SLIT2: variants seen among roughly 807,000 people sequenced by gnomAD.
SLIT2 encodes the protein slit homolog 2 protein.
In SLIT2, 41 loss-of-function variants were observed where a neutral mutation model predicts 185.7. The ratio of observed to expected loss-of-function variants is 0.22; its 90% CI spans 0.17 to 0.29. SLIT2 has a LOEUF of 0.29. SLIT2 is among the 10% of genes least tolerant of loss of function. The pLI is 1.00. For synonymous variants in SLIT2, 693 were observed against 680.2 expected, an observed-to-expected ratio of 1.02 and a Z score of -0.29; for missense variants, 1,571 against 1,909.0, an observed-to-expected ratio of 0.82 and a Z score of 3.30.
chr4:20,489,458 A>G (rs1434807531), intron 8 of SLIT2, among the ~76,000 whole-genome samples: 1 of 152,334 alleles, frequency 6.6e-6, no homozygotes, highest in East Asian at 1.9e-4. Flanking sequence ...ATATTAAATG[A>G]CCAGCTTTAA....
chr4:20,554,259 A>G (rs1409075670), intron 26 of SLIT2: 2 of 510,654 alleles, frequency 3.9e-6, no homozygotes, highest in Non-Finnish European at 7.5e-6. Context: ...GCCTCTAACA[A>G]GTCAAATGTT....
At chr4:20,384,932 T>C (rs1176580277) in intron 4 of SLIT2, among the ~76,000 whole-genome samples, 2 of 152,220 alleles carry the variant, frequency 1.3e-5, no homozygotes, top group Non-Finnish European at 2.9e-5. Flanking sequence ...GGGTGCAAGA[T>C]AGATGGCATC....
intron 29 of SLIT2, among the ~76,000 whole-genome samples, chr4:20,577,839 G>A (rs919850126): frequency 3.3e-5 from 5 of 152,142 alleles, no homozygotes; most frequent in Non-Finnish European, 7.3e-5. Context: ...ATAAAATTTG[G>A]TAATGATAAA....
intron 4 of SLIT2, among the ~76,000 whole-genome samples, chr4:20,452,200 C>A (rs1402794537): frequency 6.6e-6 from 1 of 152,144 alleles, no homozygotes; most frequent in East Asian, 1.9e-4. Flanking sequence ...TAAGCCAGAG[C>A]AAATCCAGCC....
chr4:20,253,513 G>A lies in SLIT2; in HGVS notation c.-303G>A, dbSNP rs1336280413. 2.6e-6 allele frequency: 1 copy of A among 388,330 alleles called. No individual in the cohort carries two copies. The highest frequency in any genetic ancestry group is 2.0e-5 in the African/African-American group (1 of 48,814). 24.1% of individuals were successfully genotyped at this position (388,330 alleles called of 1,614,324 possible). A position where few individuals can be genotyped will look rare whatever the true frequency, so the allele number is the denominator to read the frequency against. On this transcript the variant is annotated 5_prime_UTR_variant, in exon 1 of 37. Coordinates refer to ENST00000504154, the MANE Select transcript of SLIT2 (RefSeq NM_004787.4). ...AGTTCATCCTTGGGAGACAGAAGAC[G>A]CGTGATCTCCTCTCCGCTGCTCTTG...
At chr4:20,468,797 A>G (rs1307496062) in intron 5 of SLIT2, among the ~76,000 whole-genome samples, 1 of 151,568 alleles carries the variant, frequency 6.6e-6, no homozygotes, top group African/African-American at 2.4e-5. Flanking sequence ...CAGGGCAGGC[A>G]CTTTTTCAAG....
chr4:20,519,312 A>T, intron 11 of SLIT2, 70 bp from the exon 12 acceptor site: 1 of 783,834 alleles, frequency 1.3e-6, no homozygotes, highest in Non-Finnish European at 2.2e-6. Context: ...TGCCTGAGTA[A>T]ATATGTATTA....
At chr4:20,434,446 A>G (rs1035346796) in intron 4 of SLIT2, among the ~76,000 whole-genome samples, 1 of 152,180 alleles carries the variant, frequency 6.6e-6, no homozygotes, top group Non-Finnish European at 1.5e-5. Context: ...AGATCGCACC[A>G]CTGCACCTCC....
intron 9 of SLIT2, among the ~76,000 whole-genome samples, chr4:20,507,405 GTTATA>G (rs1719313353): frequency 6.6e-6 from 1 of 151,800 alleles, no homozygotes; most frequent in Non-Finnish European, 1.5e-5. Flanking sequence ...AAAATCTTCA[GTTATA>G]TTAAATTATA....
At position 20,477,155 on chromosome 4, in the gene SLIT2, TAAA is replaced by T. The variant is rs11362908; in HGVS notation, c.468-3548_468-3546del. Among the ~76,000 whole-genome samples, 753 of 139,052 alleles carry T rather than the reference TAAA, an allele frequency of 5.4e-3. 2 individuals are homozygous for T. The highest frequency in any genetic ancestry group is 8.2e-3 in the African/African-American group (307 of 37,516). 91.2% of individuals were successfully genotyped at this position (139,052 alleles called of 152,430 possible). A position where few individuals can be genotyped will look rare whatever the true frequency, so the allele number is the denominator to read the frequency against. On this transcript the variant is annotated intron_variant, in intron 5 of 36. Transcript: ENST00000504154. ...GCATCAGAAGATATACCTCCTACCA[TAAA>T]AAAAAAAAAAAAGAATGTTAATACC...
chr4:20,517,996 T>C (rs1013852130), intron 11 of SLIT2, among the ~76,000 whole-genome samples: 2 of 151,092 alleles, frequency 1.3e-5, no homozygotes, highest in Non-Finnish European at 3.0e-5. Context: ...CACAAAAATA[T>C]GTAGATGTAA....
intron 4 of SLIT2, among the ~76,000 whole-genome samples, chr4:20,312,165 A>G (rs1718166738): frequency 6.6e-6 from 1 of 152,200 alleles, no homozygotes; most frequent in South Asian, 2.1e-4. Flanking sequence ...TTATAAGATC[A>G]GATATCAGGT....
chr4:20,616,992 C>T lies in SLIT2; in HGVS notation c.3930C>T (p.Asn1310=), dbSNP rs746665429. ...CCAGCTTCCACGGCTGCATCCGGAA[C>T]CTTTACATCAACAGTGAGCTGCAGG... ...NGTSFHGCIR[N]LYINSELQDF... Residue 1310 remains asparagine, a synonymous_variant, in exon 35 of 37, where the codon AAC becomes AAT. Coordinates refer to ENST00000504154, the MANE Select transcript of SLIT2 (RefSeq NM_004787.4). The T allele has an allele frequency of 1.9e-6, 3 of 1,614,128 alleles. No homozygotes were observed. In the Admixed American group the frequency reaches 5.0e-5, roughly 27 times the overall value.
At chr4:20,395,737 A>G (rs1725838323) in intron 4 of SLIT2, among the ~76,000 whole-genome samples, 1 of 151,932 alleles carries the variant, frequency 6.6e-6, no homozygotes, top group Non-Finnish European at 1.5e-5. Flanking sequence ...AACTGATCTC[A>G]TATAGACCAA....
At chr4:20,612,866 C>G (rs911694691) in intron 34 of SLIT2, among the ~76,000 whole-genome samples, 8 of 142,960 alleles carry the variant, frequency 5.6e-5, no homozygotes, top group African/African-American at 2.1e-4. Context: ...TGCAGTGAGC[C>G]GAGATCGCAC....
At chr4:20,450,149 G>A (rs1268394760) in intron 4 of SLIT2, among the ~76,000 whole-genome samples, 1 of 152,012 alleles carries the variant, frequency 6.6e-6, no homozygotes, top group East Asian at 1.9e-4. Flanking sequence ...GAATCTTCAT[G>A]GTATTTTGAT....
At chr4:20,516,140 A>G (rs1247652365) in intron 11 of SLIT2, among the ~76,000 whole-genome samples, 2 of 152,188 alleles carry the variant, frequency 1.3e-5, no homozygotes, top group Non-Finnish European at 2.9e-5. Flanking sequence ...TAAGAGCACA[A>G]GAGCTCAAAC....
intron 5 of SLIT2, among the ~76,000 whole-genome samples, chr4:20,477,836 T>C (rs1716280899): frequency 6.6e-6 from 1 of 152,206 alleles, no homozygotes; most frequent in African/African-American, 2.4e-5. Context: ...GGCTATTTTC[T>C]TAATTCAGAA....
chr4:20,298,827 T>A (rs1340961066), intron 4 of SLIT2, among the ~76,000 whole-genome samples: 1 of 152,166 alleles, frequency 6.6e-6, no homozygotes, highest in African/African-American at 2.4e-5. Flanking sequence ...CAATAAAAAC[T>A]TTATAGTTTT....
Sources: gnomAD v4.1 joint callset for allele counts (sites outside exome capture counted in the v4.1 genomes callset) on GRCh38, gnomAD v4.1.1 for gene constraint, MANE v1.5 for transcripts, NCBI Gene and HGNC (gene_info 2026-07-23, HGNC 2026-07-21) for gene names.